Variants in KIAA1549 observed in about 807,000 individuals in gnomAD.
The protein encoded by KIAA1549 is KIAA1549, also known as UPF0606 protein KIAA1549.
In KIAA1549, 70 loss-of-function variants were observed where a neutral mutation model predicts 156.4. The ratio of observed to expected loss-of-function variants is 0.45; its 90% CI spans 0.37 to 0.55. The LOEUF (loss-of-function observed/expected upper bound fraction) is 0.55. Ranked by LOEUF, KIAA1549 falls within the 20% of genes least tolerant of loss-of-function variation. KIAA1549 has a pLI of 0.00. For synonymous variants in KIAA1549, 1,103 were observed against 1,066.4 expected (o/e 1.03, Z -0.67); for missense variants, 2,428 against 2,540.9 (o/e 0.96, Z 0.96).
intron 1 of KIAA1549, among the ~76,000 whole-genome samples, chr7:138,922,730 G>A (rs1487362741): frequency 6.6e-6 from 1 of 151,706 alleles, no homozygotes; most frequent in Admixed American, 6.6e-5. Context: ...ACTCAGAAAA[G>A]GGAACAGGGA....
In KIAA1549 at chr7:138,832,333, A is replaced by G; in HGVS notation, c.*5573T>C. 1 of 196,298 alleles carries G rather than the reference A, an allele frequency of 5.1e-6. No homozygotes were observed. The highest frequency in any genetic ancestry group is 1.1e-5 in the Non-Finnish European group (1 of 94,786). 12.2% of individuals were successfully genotyped at this position (196,298 alleles called of 1,614,324 possible). ...AGTCTTAGCCTTTCGAGTAGCTGGGACTACTGGCACATGCCACCATGCTCA... is the reference window on the plus strand; with the variant it reads ...AGTCTTAGCCTTTCGAGTAGCTGGGGCTACTGGCACATGCCACCATGCTCA... On this transcript the variant is annotated 3_prime_UTR_variant, in exon 20 of 20. Transcript: ENST00000422774.
chr7:138,926,371 C>G (rs1292001334), intron 1 of KIAA1549, among the ~76,000 whole-genome samples: 1 of 152,062 alleles, frequency 6.6e-6, no homozygotes, highest in Non-Finnish European at 1.5e-5. Flanking sequence ...ACTGAAATCT[C>G]TGCCTCTTAG....
At chr7:138,854,098 T>C (rs1810309922) in intron 16 of KIAA1549, among the ~76,000 whole-genome samples, 1 of 152,214 alleles carries the variant, frequency 6.6e-6, no homozygotes, top group Non-Finnish European at 1.5e-5. Flanking sequence ...ACAGAATTTC[T>C]CTGATTCTGT....
intron 16 of KIAA1549, among the ~76,000 whole-genome samples, chr7:138,853,696 T>C (rs1377604224): frequency 1.3e-5 from 2 of 152,066 alleles, no homozygotes; most frequent in African/African-American, 4.8e-5. Flanking sequence ...CTTGTGGAGT[T>C]CCCCAACTGA....
At chr7:138,890,921 G>C (rs991349162) in intron 10 of KIAA1549, among the ~76,000 whole-genome samples, 1 of 152,190 alleles carries the variant, frequency 6.6e-6, no homozygotes, top group Non-Finnish European at 1.5e-5. Flanking sequence ...TTTCGGCTGT[G>C]CCCTTTTTTA....
chr7:138,979,768 C>T (rs573702390), intron 1 of KIAA1549, among the ~76,000 whole-genome samples: 71 of 152,326 alleles, frequency 4.7e-4, no homozygotes, highest in Admixed American at 1.5e-3. Flanking sequence ...CTAAAAGAGA[C>T]TCATTCTGTC....
chr7:138,972,994 G>C (rs1429535902), intron 1 of KIAA1549, among the ~76,000 whole-genome samples: 1 of 152,044 alleles, frequency 6.6e-6, no homozygotes, highest in African/African-American at 2.4e-5. Flanking sequence ...GCTAATTTTT[G>C]TATTTTTAGT....
intron 19 of KIAA1549, among the ~76,000 whole-genome samples, chr7:138,839,362 C>T (rs1050717401): frequency 6.6e-6 from 1 of 152,160 alleles, no homozygotes; most frequent in Non-Finnish European, 1.5e-5. Flanking sequence ...AATGAAAGCA[C>T]TTGTAGGAAT....
At chr7:138,840,358 C>A in intron 18 of KIAA1549, 80 bp from the exon 19 acceptor site, 2 of 1,280,654 alleles carry the variant, frequency 1.6e-6, no homozygotes, top group Non-Finnish European at 2.2e-6. Flanking sequence ...GAGGAAGACA[C>A]TGTCAACTCT....
At position 138,840,132 on chromosome 7, in the gene KIAA1549, C is replaced by T; in HGVS notation, c.5598+1G>A. 3.2e-6 allele frequency: 5 copies of T among 1,550,638 alleles called. No individual in the cohort carries two copies. The South Asian group carries it at 3.6e-5, about 11-fold the overall frequency. On this transcript the variant is annotated splice_donor_variant, in intron 19 of 19. Transcript: ENST00000422774. LOFTEE classifies it high-confidence loss of function. ...TGATGACCCAAACAGGAGATACTCA[C>T]GGCCTCTCTTCGCCCCGCTTCGTCC...
chr7:138,974,002 A>T (rs1242118487), intron 1 of KIAA1549, among the ~76,000 whole-genome samples: 1 of 152,236 alleles, frequency 6.6e-6, no homozygotes, highest in Non-Finnish European at 1.5e-5. Context: ...ATGAATGTAC[A>T]GGTGATAGTC....
intron 1 of KIAA1549, among the ~76,000 whole-genome samples, chr7:138,955,528 A>G (rs1269910989): frequency 6.6e-6 from 1 of 152,150 alleles, no homozygotes. Flanking sequence ...GCAGGATGAA[A>G]AGTGTCGTGG....
At chr7:138,911,004 C>T in intron 4 of KIAA1549, 142 bp downstream of exon 4, 1 of 697,916 alleles carries the variant, frequency 1.4e-6, no homozygotes, top group South Asian at 2.4e-5. Context: ...TGCATTCCAG[C>T]CTGGGCAACA....
rs936789879 is a variant in KIAA1549, at chr7:138,917,748, A to G, written c.1878T>C (p.Phe626=). ...PRGALDFASS[F]FSTPPLELSG... ...TGAGTTCCAGCGGGGGTGTTGAGAA[A>G]AAGCTGGATGCAAAATCCAAAGCAC... Residue 626 remains phenylalanine (F), a synonymous_variant, in exon 2 of 20, where the codon TTT becomes TTC. Transcript: ENST00000422774. 4 of 1,584,324 alleles carry G rather than the reference A, an allele frequency of 2.5e-6. No individual in the cohort carries two copies. The African/African-American group carries it at 5.4e-5, about 21-fold the overall frequency.
At position 138,898,994 on chromosome 7, in the gene KIAA1549, T is replaced by C; in HGVS notation, c.3808A>G (p.Ile1270Val). The change falls in exon 9 of 20, where the codon ATC becomes GTC. Residue 1270 changes from isoleucine (I) to valine (V), a missense_variant. Around this residue, in one of 5 missense-constraint regions of KIAA1549, gnomAD observed 762 missense variants for 901.6 expected, o/e 0.85. Coordinates refer to ENST00000422774, the MANE Select transcript of KIAA1549 (RefSeq NM_001164665.2). ...INKMDLQRAA[I>V]ILGYRIQGVI... is the part of the protein sequence containing the mutation. The stretch of plus-strand genomic sequence containing the variant: ...CCTTGAATTCGGTAACCCAAGATGA[T>C]GGCTGCTCTCTGGAGGTCCATTTTG... The C allele has an allele frequency of 6.2e-7, 1 of 1,613,864 alleles. No homozygotes were observed. The highest frequency in any genetic ancestry group is 8.5e-7 in the Non-Finnish European group (1 of 1,179,766).
chr7:138,930,097 A>G (rs1359176091), intron 1 of KIAA1549, among the ~76,000 whole-genome samples: 1 of 152,204 alleles, frequency 6.6e-6, no homozygotes, highest in African/African-American at 2.4e-5. Flanking sequence ...ATCCATCTTG[A>G]TAAGAGTTAT....
chr7:138,862,771 A>C (rs1007641843), intron 15 of KIAA1549, among the ~76,000 whole-genome samples: 3 of 152,070 alleles, frequency 2.0e-5, no homozygotes, highest in Non-Finnish European at 4.4e-5. Context: ...TCTCTACTAA[A>C]AATATAAAAA....
chr7:138,839,030 A>C (rs1198852498), intron 19 of KIAA1549, among the ~76,000 whole-genome samples: 3 of 152,168 alleles, frequency 2.0e-5, no homozygotes. Context: ...CACCAAAACC[A>C]ACCCCAAACA....
At chr7:138,903,843 G>GTA in intron 7 of KIAA1549, 107 bp from the exon 8 acceptor site, 1 of 517,984 alleles carries the variant, frequency 1.9e-6, no homozygotes, top group Non-Finnish European at 2.8e-6. Flanking sequence ...GTGTGTGTGT[G>GTA]TGTGTGTGTG....
Sources: allele counts gnomAD v4.1 joint callset (sites outside exome capture counted in the v4.1 genomes callset), GRCh38; gene constraint gnomAD v4.1.1; regional missense constraint gnomAD v4.1.1; transcripts MANE v1.5; gene names NCBI Gene and HGNC (gene_info 2026-07-23, HGNC 2026-07-21).